The following GLDC variants were observed in gnomAD, a reference collection of about 807,000 sequenced individuals.
The protein encoded by GLDC is glycine decarboxylase, also known as glycine dehydrogenase (decarboxylating), mitochondrial.
Under a neutral mutation model 121.3 loss-of-function variants are expected in GLDC, and 104 were observed. The observed-to-expected ratio is 0.86, with a 90% CI of 0.73 to 1.01. The LOEUF (loss-of-function observed/expected upper bound fraction) is 1.01. Among genes scored for constraint, GLDC ranks in the 50% least tolerant of loss-of-function variants. GLDC has a pLI of 0.00. For missense variants in GLDC, 1,429 were observed against 1,306.6 expected (o/e 1.09, Z -1.44); for synonymous variants, 546 against 480.6 (o/e 1.14, Z -1.78).
chr9:6,591,975 C>G, intron 11 of GLDC, 168 bp downstream of exon 11: 1 of 660,996 alleles, frequency 1.5e-6, no homozygotes, highest in Non-Finnish European at 2.8e-6. Flanking sequence ...ACAGCAGTGA[C>G]CTCCAGCTGT....
At chr9:6,644,182 G>A (rs1441866847) in intron 2 of GLDC, among the ~76,000 whole-genome samples, 2 of 151,912 alleles carry the variant, frequency 1.3e-5, no homozygotes, top group East Asian at 1.9e-4. Context: ...AAAGAAGCCT[G>A]GGGGAGGGAG....
chr9:6,589,358 C>G, intron 11 of GLDC, 66 bp from the exon 12 acceptor site: 1 of 939,250 alleles, frequency 1.1e-6, no homozygotes, highest in Non-Finnish European at 1.8e-6. Context: ...GACATCCAGG[C>G]TTCTGGGTGG....
intron 15 of GLDC, among the ~76,000 whole-genome samples, chr9:6,576,686 C>G (rs977142329): frequency 7.9e-5 from 12 of 152,104 alleles, no homozygotes. Context: ...AGGCTGGTCT[C>G]AAACTCCTGA....
chr9:6,578,126 G>C (rs1435019984), intron 15 of GLDC, among the ~76,000 whole-genome samples: 1 of 151,600 alleles, frequency 6.6e-6, no homozygotes, highest in East Asian at 1.9e-4. Context: ...TCTGGTCCAG[G>C]CTTCTTTTTT....
Position 6,532,939 on chromosome 9 carries a change from G to A in GLDC, c.*78C>T. On this transcript the variant is annotated 3_prime_UTR_variant, in exon 25 of 25. Transcript: ENST00000321612. ...AAAACTCCTACTTGAGGCTGGGGTG[G>A]GAGATGAAATCTTTCTTGCTTATCA... The A allele has an allele frequency of 2.0e-6, 2 of 989,098 alleles. No individual in the cohort carries two copies. Among genetic ancestry groups the A allele is most frequent in the South Asian group, 2.6e-5 (2 of 78,052 alleles). The allele number at this position is 989,098 out of a possible 1,614,324, so 61.3% of individuals were successfully genotyped here. A position where few individuals can be genotyped will look rare whatever the true frequency, so the allele number is the denominator to read the frequency against.
intron 2 of GLDC, among the ~76,000 whole-genome samples, chr9:6,637,310 CAGG>C (rs1563873788): frequency 6.6e-6 from 1 of 150,880 alleles, no homozygotes; most frequent in Non-Finnish European, 1.5e-5. Flanking sequence ...GAGGCAGAGG[CAGG>C]AGAATCATTT....
chr9:6,536,348 A>G, intron 22 of GLDC, 112 bp from the exon 23 acceptor site: 6 of 963,006 alleles, frequency 6.2e-6, no homozygotes, highest in Non-Finnish European at 9.8e-6. Flanking sequence ...CATCAGATAC[A>G]TTTGCAAATG....
intron 2 of GLDC, among the ~76,000 whole-genome samples, chr9:6,620,528 G>T (rs1819070691): frequency 6.7e-6 from 1 of 150,266 alleles, no homozygotes; most frequent in East Asian, 2.0e-4. Context: ...TCTCCTCAAG[G>T]TTGGCCCCCC....
intron 2 of GLDC, among the ~76,000 whole-genome samples, chr9:6,642,599 C>T (rs1425619404): frequency 6.6e-6 from 1 of 152,142 alleles, no homozygotes; most frequent in Non-Finnish European, 1.5e-5. Flanking sequence ...CAGGAGCCCA[C>T]TTCCACAGTG....
chr9:6,628,402 T>G (rs542833951), intron 2 of GLDC, among the ~76,000 whole-genome samples: 1 of 152,190 alleles, frequency 6.6e-6, no homozygotes, highest in African/African-American at 2.4e-5. Context: ...AAAACCAGCT[T>G]GCTCCTGTGC....
chr9:6,546,991 T>A (rs1008398432), intron 21 of GLDC, among the ~76,000 whole-genome samples: 1 of 151,830 alleles, frequency 6.6e-6, no homozygotes, highest in Admixed American at 6.6e-5. Context: ...ATAATAATGA[T>A]AAGAAGCATT....
At chr9:6,574,430 G>A (rs1818023527) in intron 15 of GLDC, among the ~76,000 whole-genome samples, 1 of 149,672 alleles carries the variant, frequency 6.7e-6, no homozygotes, top group Non-Finnish European at 1.5e-5. Flanking sequence ...TTATGCCACT[G>A]CACTCCAGCC....
At chr9:6,623,814 C>A (rs1373225864) in intron 2 of GLDC, among the ~76,000 whole-genome samples, 9 of 152,090 alleles carry the variant, frequency 5.9e-5, no homozygotes, top group African/African-American at 1.9e-4. Context: ...GGACAACATC[C>A]CTAGGAACAA....
intron 2 of GLDC, among the ~76,000 whole-genome samples, chr9:6,627,689 C>T (rs555711884): frequency 6.6e-6 from 1 of 152,302 alleles, no homozygotes; most frequent in East Asian, 1.9e-4. Flanking sequence ...TACAAAACTT[C>T]CCAACAAAAA....
At chr9:6,569,579 G>C (rs1177354848) in intron 15 of GLDC, among the ~76,000 whole-genome samples, 1 of 152,112 alleles carries the variant, frequency 6.6e-6, no homozygotes, top group Non-Finnish European at 1.5e-5. Flanking sequence ...TTGAACCCGG[G>C]AGGCGGAGGT....
chr9:6,644,801 G>C, intron 1 of GLDC, 109 bp from the exon 2 acceptor site: 1 of 767,624 alleles, frequency 1.3e-6, no homozygotes, highest in Non-Finnish European at 2.3e-6. Context: ...CGCCTAATTA[G>C]GGTTCTTTTT....
chr9:6,614,603 G>A (rs901792290), intron 3 of GLDC, among the ~76,000 whole-genome samples: 23 of 149,840 alleles, frequency 1.5e-4, no homozygotes, highest in Non-Finnish European at 3.0e-4. Context: ...TGTCCAGGCT[G>A]GTCTCAAATT....
At chr9:6,544,917 A>C (rs1817355156) in intron 21 of GLDC, among the ~76,000 whole-genome samples, 1 of 152,026 alleles carries the variant, frequency 6.6e-6, no homozygotes, top group Non-Finnish European at 1.5e-5. Context: ...CTGACCAACA[A>C]GGAGAAACAC....
chr9:6,545,522 G>A lies in GLDC; in HGVS notation c.2569+5281C>T, dbSNP rs917418393. On this transcript the variant is annotated intron_variant, in intron 21 of 24. Transcript: ENST00000321612. ...GTCAGTGAGTGAGTGGTGAGTGAAC[G>A]GGAAGGTCTAGGACATTCCTGTATA... Among the ~76,000 whole-genome samples, 43 of 152,280 alleles carry A rather than the reference G, an allele frequency of 2.8e-4. 1 individual carries two copies. Among genetic ancestry groups the A allele is most frequent in the African/African-American group, 7.5e-4 (31 of 41,564 alleles).
Sources: gnomAD v4.1 joint callset for allele counts (sites outside exome capture counted in the v4.1 genomes callset) on GRCh38, gnomAD v4.1.1 for gene constraint, MANE v1.5 for transcripts, NCBI Gene and HGNC (gene_info 2026-07-23, HGNC 2026-07-21) for gene names.